Variants in PLPPR2 observed in about 807,000 individuals in gnomAD.
PLPPR2 encodes phospholipid phosphatase related 2, also known as phospholipid phosphatase-related protein type 2.
Under a neutral mutation model 40.3 loss-of-function variants are expected in PLPPR2, and 11 were observed. The observed-to-expected ratio is 0.27, with a 90% confidence interval of 0.17 to 0.45. PLPPR2 has a LOEUF of 0.45. Among genes scored for constraint, PLPPR2 ranks in the 20% least tolerant of loss-of-function variants. The pLI is 1.00. For synonymous variants in PLPPR2, 260 were observed against 290.8 expected (o/e 0.89, Z 1.08); for missense variants, 497 against 640.7 (o/e 0.78, Z 2.42).
chr19:11,361,938 C>T lies in PLPPR2; in HGVS notation c.663+450C>T, dbSNP rs1968058650. 6.6e-6 allele frequency among the ~76,000 whole-genome samples: 1 copy of T among 151,402 alleles called. No individual in the cohort carries two copies. The highest frequency in any genetic ancestry group is 1.5e-5 in the Non-Finnish European group (1 of 67,798). ...TGCCCCTCTCCTGGGGGCCTTGTTCCCTCCTGTTGTAGCCCTGGCCACGCC... is the reference window on the plus strand; with the variant it reads ...TGCCCCTCTCCTGGGGGCCTTGTTCTCTCCTGTTGTAGCCCTGGCCACGCC... On this transcript the variant is annotated intron_variant, in intron 6 of 9. Transcript: ENST00000688289. This position sits in a 1 kb window ranked among gnomAD's most constrained non-coding sequence, Gnocchi z 6.3.
Position 11,356,824 on chromosome 19 carries a change from C to G in PLPPR2, c.-167C>G, listed in dbSNP as rs1490895867. 2 of 153,038 alleles carry G rather than the reference C, an allele frequency of 1.3e-5. No homozygotes were observed. The highest frequency in any genetic ancestry group is 4.8e-5 in the African/African-American group (2 of 41,402). 9.5% of individuals were successfully genotyped at this position (153,038 alleles called of 1,614,324 possible). A position where few individuals can be genotyped will look rare whatever the true frequency, so the allele number is the denominator to read the frequency against. On this transcript the variant is annotated 5_prime_UTR_variant, in exon 2 of 10. Transcript: ENST00000688289. ...CAGAGTGAGTGTCGTGGTTGGGGTG[C>G]TGGACCCAGAGTGCCTACCCTCGCC...
chr19:11,364,238 A>C lies in PLPPR2; in HGVS notation c.1015+26A>C. On this transcript the variant is annotated intron_variant, in intron 9 of 9. Coordinates refer to ENST00000688289, the MANE Select transcript of PLPPR2 (RefSeq NM_001393892.1). The surrounding 1 kb of genome is among the most constrained non-coding windows in gnomAD (Gnocchi z 5.8). The stretch of plus-strand genomic sequence containing the variant: ...GTGAGTGTTGGGGGAGTGGGGGGCT[A>C]AACAGGGGGACTTCCAGGTGGGCAG... 2.5e-6 allele frequency: 4 copies of C among 1,597,964 alleles called. No individual in the cohort carries two copies. The highest frequency in any genetic ancestry group is 3.4e-6 in the Non-Finnish European group (4 of 1,170,458).
chr19:11,357,847 T>TGTC, intron 3 of PLPPR2, 108 bp downstream of exon 3: 1 of 850,588 alleles, frequency 1.2e-6, no homozygotes, highest in Non-Finnish European at 1.8e-6. Context: ...TCTCCCTTGC[T>TGTC]GTCCCCTTTC....
chr19:11,362,489 C>A lies in PLPPR2; in HGVS notation c.664-24C>A, dbSNP rs141731610. The A allele has an allele frequency of 2.2e-4, 348 of 1,607,150 alleles. 3 individuals are homozygous for A. In the East Asian group the frequency reaches 7.5e-3, roughly 34 times the overall value. ...TTCGGCGACTTGCCTCCGCTATCCCCCTGACCAGTCCGGCTCCCCGCAGAT... is the reference window on the plus strand; with the variant it reads ...TTCGGCGACTTGCCTCCGCTATCCCACTGACCAGTCCGGCTCCCCGCAGAT... On this transcript the variant is annotated intron_variant, in intron 6 of 9. Transcript: ENST00000688289. The surrounding 1 kb of genome is among the most constrained non-coding windows in gnomAD (Gnocchi z 5.3).
rs1257857436 is a variant in PLPPR2 at position 11,363,707 on chromosome 19, T to C, written c.841-6T>C. On this transcript the variant is annotated splice_region_variant and splice_polypyrimidine_tract_variant and intron_variant, in intron 7 of 9. Transcript: ENST00000688289. This position sits in a 1 kb window ranked among gnomAD's most constrained non-coding sequence, Gnocchi z 4.8. ...GCCTCAACACTCTCCTCTCCCTCTATTCCAGGTCACCTGCGTTGTGCATAA... is the reference window on the plus strand; with the variant it reads ...GCCTCAACACTCTCCTCTCCCTCTACTCCAGGTCACCTGCGTTGTGCATAA... The C allele has an allele frequency of 6.2e-7, 1 of 1,611,752 alleles. No homozygotes were observed. Among genetic ancestry groups the C allele is most frequent in the South Asian group, 1.1e-5 (1 of 90,912 alleles).
chr19:11,360,069 A>C (rs1599403457), intron 5 of PLPPR2, 113 bp downstream of exon 5: 26 of 1,386,454 alleles, frequency 1.9e-5, no homozygotes, highest in Non-Finnish European at 2.4e-5. Flanking sequence ...GTGGTGGCTC[A>C]CGCCTGTAAT....
rs936406189 is a variant in PLPPR2, at chr19:11,362,960, C to T, written c.840+271C>T. Among the ~76,000 whole-genome samples the T allele has an allele frequency of 2.0e-5, 3 of 152,130 alleles. No homozygotes were observed. The highest frequency in any genetic ancestry group is 7.2e-5 in the African/African-American group (3 of 41,434). On this transcript the variant is annotated intron_variant, in intron 7 of 9. Transcript: ENST00000688289. The surrounding 1 kb of genome is among the most constrained non-coding windows in gnomAD (Gnocchi z 5.3). ...ACATTTTTAAAAATCAAAGTTAATA[C>T]AAAACTATCATAATGTACAGAATAT...
In PLPPR2 at chr19:11,363,841, G is replaced by A; in HGVS notation, c.963+6G>A. Reference sequence around the variant, plus strand: ...AAAAGTTAAGTGTGGCGCAGGTAAGGGGGGCCGGGGGCTGCTCCCGGCTGG... The same window carrying A: ...AAAAGTTAAGTGTGGCGCAGGTAAGAGGGGCCGGGGGCTGCTCCCGGCTGG... On this transcript the variant is annotated splice_donor_region_variant and intron_variant, in intron 8 of 9. Transcript: ENST00000688289. The surrounding 1 kb of genome is among the most constrained non-coding windows in gnomAD (Gnocchi z 4.8). 4 of 1,612,154 alleles carry A rather than the reference G, an allele frequency of 2.5e-6. No individual in the cohort carries two copies. Among genetic ancestry groups the A allele is most frequent in the Non-Finnish European group, 3.4e-6 (4 of 1,178,958 alleles).
chr19:11,362,329 C>CGGGGGGGG lies in PLPPR2; in HGVS notation c.664-184_664-183insGGGGGGGG. 3 of 576,860 alleles carry CGGGGGGGG rather than the reference C, an allele frequency of 5.2e-6. No homozygotes were observed. Among genetic ancestry groups the CGGGGGGGG allele is most frequent in the Non-Finnish European group, 6.1e-6 (2 of 328,102 alleles). 35.7% of individuals were successfully genotyped at this position (576,860 alleles called of 1,614,324 possible). A position where few individuals can be genotyped will look rare whatever the true frequency, so the allele number is the denominator to read the frequency against. On this transcript the variant is annotated intron_variant, in intron 6 of 9. Coordinates refer to ENST00000688289, the MANE Select transcript of PLPPR2 (RefSeq NM_001393892.1). The surrounding 1 kb of genome is among the most constrained non-coding windows in gnomAD (Gnocchi z 5.3). ...AGACCTCAATCCCTGACCCCCCCCC[C>CGGGGGGGG]TTTGCCTTTTTGGTCACGCTCCCTG...
In PLPPR2 at chr19:11,361,296, C is replaced by T; in HGVS notation, c.471C>T (p.His157=). The T allele has an allele frequency of 6.2e-7, 1 of 1,613,812 alleles. No homozygotes were observed. Among genetic ancestry groups the T allele is most frequent in the East Asian group, 2.2e-5 (1 of 44,884 alleles). ...GQVVTGNPTP[H]FLSVCRPNYT... ...TGGTGACCGGCAATCCCACGCCACACTTCCTGTCCGTGTGCCGCCCCAACT... is the reference window on the plus strand; with the variant it reads ...TGGTGACCGGCAATCCCACGCCACATTTCCTGTCCGTGTGCCGCCCCAACT... Residue 157 remains histidine (H), a synonymous_variant, in exon 6 of 10, where the codon CAC becomes CAT. Coordinates refer to ENST00000688289, the MANE Select transcript of PLPPR2 (RefSeq NM_001393892.1). The surrounding 1 kb of genome is among the most constrained non-coding windows in gnomAD (Gnocchi z 6.3).
chr19:11,364,835 G>T lies in PLPPR2; in HGVS notation c.*145G>T. ...TAGAAGATGGCTAGAAGGACATTTA[G>T]GAGACATCTGCCTCTCTGGCCCTCT... On this transcript the variant is annotated 3_prime_UTR_variant, in exon 10 of 10. Coordinates refer to ENST00000688289, the MANE Select transcript of PLPPR2 (RefSeq NM_001393892.1). This position sits in a 1 kb window ranked among gnomAD's most constrained non-coding sequence, Gnocchi z 5.8. The T allele has an allele frequency of 3.3e-6, 3 of 897,720 alleles. No homozygotes were observed. The highest frequency in any genetic ancestry group is 5.1e-6 in the Non-Finnish European group (3 of 590,414). The allele number at this position is 897,720 out of a possible 1,614,324, so 55.6% of individuals were successfully genotyped here.
At chr19:11,358,599 TC>T (rs1967957129) in intron 3 of PLPPR2, among the ~76,000 whole-genome samples, 1 of 151,484 alleles carries the variant, frequency 6.6e-6, no homozygotes, top group African/African-American at 2.4e-5. Context: ...CCTTCCCTTT[TC>T]CTTTCCCTTC....
Position 11,364,211 on chromosome 19 carries a change from C to G in PLPPR2, c.1014C>G (p.Ser338=). ...CGACACCGGCACGGCTCACCCCATCCAGTGAGTGTTGGGGGAGTGGGGGGC... is the reference window on the plus strand; with the variant it reads ...CGACACCGGCACGGCTCACCCCATCGAGTGAGTGTTGGGGGAGTGGGGGGC... ...PHSTPARLTP[S]KSQNCARRGH... is the part of the protein sequence containing the mutation. The change falls in exon 9 of 10, where the codon TCC becomes TCG. Residue 338 remains serine, a splice_region_variant and synonymous_variant. Transcript: ENST00000688289. The surrounding 1 kb of genome is among the most constrained non-coding windows in gnomAD (Gnocchi z 5.8). 1 of 1,611,694 alleles carries G rather than the reference C, an allele frequency of 6.2e-7. No individual in the cohort carries two copies. The highest frequency in any genetic ancestry group is 8.5e-7 in the Non-Finnish European group (1 of 1,178,584).
chr19:11,360,453 G>A (rs998702672), intron 5 of PLPPR2, among the ~76,000 whole-genome samples: 1 of 152,100 alleles, frequency 6.6e-6, no homozygotes, highest in Admixed American at 6.6e-5. Context: ...GGGAATTCCA[G>A]GGGGGAAGGA....
rs1968111120 is a variant in PLPPR2, at chr19:11,363,640, A to G, written c.841-73A>G. The G allele has an allele frequency of 8.0e-6, 12 of 1,495,152 alleles. No homozygotes were observed. The highest frequency in any genetic ancestry group is 1.1e-5 in the Non-Finnish European group (12 of 1,114,414). 92.6% of individuals were successfully genotyped at this position (1,495,152 alleles called of 1,614,324 possible). On this transcript the variant is annotated intron_variant, in intron 7 of 9. Coordinates refer to ENST00000688289, the MANE Select transcript of PLPPR2 (RefSeq NM_001393892.1). This position sits in a 1 kb window ranked among gnomAD's most constrained non-coding sequence, Gnocchi z 4.8. ...GAGCCTCACTTTCCTTATCTGAAAA[A>G]TGGGGATGGTATTTACATGGCTCCT...
Position 11,363,592 on chromosome 19 carries a change from G to A in PLPPR2, c.841-121G>A, listed in dbSNP as rs570311248. The A allele has an allele frequency of 8.7e-7, 1 of 1,151,402 alleles. No individual in the cohort carries two copies. Among genetic ancestry groups the A allele is most frequent in the Non-Finnish European group, 1.2e-6 (1 of 838,996 alleles). The allele number at this position is 1,151,402 out of a possible 1,614,324, so 71.3% of individuals were successfully genotyped here. On this transcript the variant is annotated intron_variant, in intron 7 of 9. Transcript: ENST00000688289. The surrounding 1 kb of genome is among the most constrained non-coding windows in gnomAD (Gnocchi z 4.8). Reference sequence around the variant, plus strand: ...ACCAACAGTGCCTGGCACATACTATGCATTAGCTGTTTTTGAAAACCGGAG... The same window carrying A: ...ACCAACAGTGCCTGGCACATACTATACATTAGCTGTTTTTGAAAACCGGAG...
Position 11,364,827 on chromosome 19 carries a change from G to GACAT in PLPPR2, c.*138_*141dup. The GACAT allele has an allele frequency of 2.0e-6, 2 of 979,656 alleles. No homozygotes were observed. The highest frequency in any genetic ancestry group is 4.6e-5 in the Admixed American group (2 of 43,278). The allele number at this position is 979,656 out of a possible 1,614,324, so 60.7% of individuals were successfully genotyped here. A position where few individuals can be genotyped will look rare whatever the true frequency, so the allele number is the denominator to read the frequency against. On this transcript the variant is annotated 3_prime_UTR_variant, in exon 10 of 10. Coordinates refer to ENST00000688289, the MANE Select transcript of PLPPR2 (RefSeq NM_001393892.1). This position sits in a 1 kb window ranked among gnomAD's most constrained non-coding sequence, Gnocchi z 5.8. Reference sequence around the variant, plus strand: ...CCAGACATTAGAAGATGGCTAGAAGGACATTTAGGAGACATCTGCCTCTCT... The same window carrying GACAT: ...CCAGACATTAGAAGATGGCTAGAAGGACATACATTTAGGAGACATCTGCCTCTCT...
Position 11,361,994 on chromosome 19 carries a change from C to T in PLPPR2, c.663+506C>T, listed in dbSNP as rs776815305. 3.9e-5 allele frequency among the ~76,000 whole-genome samples: 6 copies of T among 152,068 alleles called. No individual in the cohort carries two copies. Among genetic ancestry groups the T allele is most frequent in the Non-Finnish European group, 8.8e-5 (6 of 67,998 alleles). On this transcript the variant is annotated intron_variant, in intron 6 of 9. Transcript: ENST00000688289. This position sits in a 1 kb window ranked among gnomAD's most constrained non-coding sequence, Gnocchi z 6.3. ...CTCTTAACTGCTCTGGGATTTCTAA[C>T]TCTGTCCCCTGCTTTTTCCTGGTCA...
In PLPPR2 at chr19:11,362,763, G is replaced by C. The variant is rs899793853; in HGVS notation, c.840+74G>C. 5.6e-5 allele frequency: 84 copies of C among 1,509,116 alleles called. 1 individual carries two copies. The highest frequency in any genetic ancestry group is 2.4e-4 in the South Asian group (19 of 80,014). The allele number at this position is 1,509,116 out of a possible 1,614,324, so 93.5% of individuals were successfully genotyped here. ...TCTGACCCAAGAGGCAGGACCACAT[G>C]ATGGAGAAGGGTGTGGACTCTGTGT... On this transcript the variant is annotated intron_variant, in intron 7 of 9. Transcript: ENST00000688289. This position sits in a 1 kb window ranked among gnomAD's most constrained non-coding sequence, Gnocchi z 5.3.
Sources: gnomAD v4.1 joint callset for allele counts (sites outside exome capture counted in the v4.1 genomes callset) on GRCh38, gnomAD v4.1.1 for gene constraint, Gnocchi (gnomAD v3.1) non-coding constraint, MANE v1.5 for transcripts, NCBI Gene and HGNC (gene_info 2026-07-23, HGNC 2026-07-21) for gene names.